SMCO2: variants seen among roughly 807,000 people sequenced by gnomAD.
The protein encoded by SMCO2 is single-pass membrane protein with coiled-coil domains 2.
A neutral mutation model predicts 29.5 loss-of-function variants in SMCO2; 25 were observed. The observed-to-expected ratio is 0.85, with a 90% CI of 0.62 to 1.18. SMCO2 has a LOEUF of 1.18. Among genes scored for constraint, SMCO2 ranks in the 50% most tolerant of loss-of-function variants. The pLI, the probability that SMCO2 is intolerant of heterozygous loss-of-function variation, is 0.00. For missense variants in SMCO2, 348 were observed against 344.5 expected, an observed-to-expected ratio of 1.01 and a Z score of -0.08; for synonymous variants, 117 against 123.3, an observed-to-expected ratio of 0.95 and a Z score of 0.34.
intron 3 of SMCO2, among the ~76,000 whole-genome samples, chr12:27,474,531 A>G (rs1269431055): frequency 3.9e-5 from 6 of 152,124 alleles, no homozygotes; most frequent in African/African-American, 1.4e-4. Context: ...GGTCAGATGG[A>G]ATTCGATTAC....
chr12:27,437,818 C>T, the SMCO2 span, among the ~76,000 whole-genome samples: 1 of 152,216 alleles, frequency 6.6e-6, no homozygotes. Flanking sequence ...CACCTGGGCT[C>T]TGTATCTGAT....
chr12:27,475,079 T>A (rs1565675592), intron 4 of SMCO2, among the ~76,000 whole-genome samples, 166 bp downstream of exon 4: 1 of 152,186 alleles, frequency 6.6e-6, no homozygotes, highest in Non-Finnish European at 1.5e-5. Context: ...CTAGCAATAA[T>A]GTGGTGTAAG....
the SMCO2 span, among the ~76,000 whole-genome samples, chr12:27,426,490 A>G: frequency 6.6e-6 from 1 of 152,162 alleles, no homozygotes; most frequent in Non-Finnish European, 1.5e-5. Context: ...TTCATTCGTA[A>G]AGTAGACTTC....
intron 2 of SMCO2, among the ~76,000 whole-genome samples, chr12:27,472,352 A>T (rs1949547733): frequency 6.6e-6 from 1 of 152,200 alleles, no homozygotes; most frequent in Admixed American, 6.5e-5. Context: ...AAACATTGTG[A>T]GGAGGACAGC....
the SMCO2 span, among the ~76,000 whole-genome samples, chr12:27,448,846 A>C: frequency 6.6e-6 from 1 of 152,098 alleles, no homozygotes; most frequent in Non-Finnish European, 1.5e-5. Context: ...GATTCTCTAA[A>C]CCCCTCAATC....
chr12:27,491,825 TC>T (rs1180202501), intron 5 of SMCO2, among the ~76,000 whole-genome samples: 2 of 151,914 alleles, frequency 1.3e-5, no homozygotes, highest in African/African-American at 2.4e-5. Flanking sequence ...TGCCTCAGTC[TC>T]CCCAGTAGCT....
chr12:27,446,809 C>G, the SMCO2 span, among the ~76,000 whole-genome samples: 3 of 152,128 alleles, frequency 2.0e-5, no homozygotes, highest in Non-Finnish European at 2.9e-5. Flanking sequence ...GGGCCCACTC[C>G]CGGAGTTCCT....
Position 27,476,417 on chromosome 12 carries a change from A to AT in SMCO2, c.362+1510dup, listed in dbSNP as rs1311964334. ...GTTTAAATCCAATGTTCCTTTGTTA[A>AT]TTTTTTGCCTAGATGATATGTCCAA... On this transcript the variant is annotated intron_variant, in intron 4 of 7. Coordinates refer to ENST00000298876, the Ensembl canonical transcript of SMCO2. Among the ~76,000 whole-genome samples the AT allele has an allele frequency of 2.0e-5, 3 of 152,172 alleles. No individual in the cohort carries two copies. The East Asian group carries it at 5.8e-4, about 29-fold the overall frequency.
chr12:27,459,514 A>G, the SMCO2 span, among the ~76,000 whole-genome samples: 1 of 152,230 alleles, frequency 6.6e-6, no homozygotes, highest in Non-Finnish European at 1.5e-5. Context: ...ACTACCTATC[A>G]GGTACTATGC....
At chr12:27,487,769 T>TG (rs1949702058) in intron 4 of SMCO2, among the ~76,000 whole-genome samples, 1 of 148,736 alleles carries the variant, frequency 6.7e-6, no homozygotes, top group Non-Finnish European at 1.5e-5. Context: ...TTTTTTTTTT[T>TG]GCCATTGTGA....
intron 4 of SMCO2, among the ~76,000 whole-genome samples, chr12:27,476,661 G>C (rs1257155243): frequency 2.6e-5 from 4 of 151,484 alleles, no homozygotes; most frequent in Admixed American, 2.6e-4. Context: ...TCTGTTCTAA[G>C]TATAGCCACT....
chr12:27,445,822 T>C, the SMCO2 span, among the ~76,000 whole-genome samples: 1 of 152,198 alleles, frequency 6.6e-6, no homozygotes. Flanking sequence ...GATCAAGTGC[T>C]AGCATGGTCT....
intron 4 of SMCO2, among the ~76,000 whole-genome samples, chr12:27,483,916 TTTTTG>T (rs1224534186): frequency 6.6e-6 from 1 of 151,892 alleles, no homozygotes; most frequent in African/African-American, 2.4e-5. Context: ...ACGTCAGGGG[TTTTTG>T]TTTTGTTTTG....
the SMCO2 span, among the ~76,000 whole-genome samples, chr12:27,428,740 A>G: frequency 1.3e-5 from 2 of 149,906 alleles, no homozygotes; most frequent in Non-Finnish European, 3.0e-5. Flanking sequence ...CTTTAAGGCA[A>G]TGCTTCTCAC....
At chr12:27,434,185 T>C in the SMCO2 span, among the ~76,000 whole-genome samples, 2 of 152,176 alleles carry the variant, frequency 1.3e-5, no homozygotes, top group African/African-American at 2.4e-5. Flanking sequence ...TAATATGTGG[T>C]CCTGAGACTG....
intron 1 of SMCO2, among the ~76,000 whole-genome samples, chr12:27,467,876 G>A (rs1329533850): frequency 1.3e-5 from 2 of 152,172 alleles, no homozygotes; most frequent in Non-Finnish European, 2.9e-5. Context: ...ACAACTTAGT[G>A]AAAGTGCCTT....
At chr12:27,457,849 G>A in the SMCO2 span, among the ~76,000 whole-genome samples, 1 of 152,178 alleles carries the variant, frequency 6.6e-6, no homozygotes, top group Non-Finnish European at 1.5e-5. Context: ...ATATCTTTTT[G>A]TTATCTCATC....
chr12:27,492,736 A>T (rs1401564443), intron 5 of SMCO2, among the ~76,000 whole-genome samples: 1 of 152,160 alleles, frequency 6.6e-6, no homozygotes, highest in Non-Finnish European at 1.5e-5. Flanking sequence ...AGTGGGTGGG[A>T]GTGTAAATTA....
intron 6 of SMCO2, 103 bp from the exon 8 acceptor site, chr12:27,495,577 G>A: frequency 9.0e-7 from 1 of 1,113,776 alleles, no homozygotes; most frequent in South Asian, 2.9e-5. Flanking sequence ...TTCTAATGTG[G>A]GCCCCCAAGG....
Sources: gnomAD v4.1 joint callset for allele counts (sites outside exome capture counted in the v4.1 genomes callset) on GRCh38, gnomAD v4.1.1 for gene constraint, MANE v1.5 for transcripts, NCBI Gene and HGNC (gene_info 2026-07-23, HGNC 2026-07-21) for gene names.